AMOTL1: variants seen among roughly 807,000 people sequenced by gnomAD.
AMOTL1 encodes the protein angiomotin like 1, also known as angiomotin-like protein 1.
AMOTL1 carries 45 observed loss-of-function variants against 102.9 expected under a neutral mutation model. That is an observed-to-expected ratio of 0.44 (90% CI 0.34 to 0.56). AMOTL1 has a LOEUF of 0.56. AMOTL1 is among the 20% of genes least tolerant of loss of function. The pLI is 0.01. For missense variants in AMOTL1, 1,114 were observed against 1,225.6 expected (o/e 0.91, Z 1.36); for synonymous variants, 481 against 484.7 (o/e 0.99, Z 0.10).
intron 3 of AMOTL1, among the ~76,000 whole-genome samples, chr11:94,810,873 T>C (rs1591990311): frequency 7.2e-6 from 1 of 139,352 alleles, no homozygotes; most frequent in Non-Finnish European, 1.6e-5. Flanking sequence ...CACACACGCG[T>C]ACACACACAT....
At chr11:94,782,871 A>C (rs945313992) in intron 1 of AMOTL1, among the ~76,000 whole-genome samples, 1 of 152,268 alleles carries the variant, frequency 6.6e-6, no homozygotes, top group African/African-American at 2.4e-5. Flanking sequence ...AGGAATTTGC[A>C]AAATTATAAA....
intron 3 of AMOTL1, among the ~76,000 whole-genome samples, chr11:94,752,812 G>C (rs1333704812): frequency 6.6e-6 from 1 of 152,192 alleles, no homozygotes; most frequent in Admixed American, 6.5e-5. Flanking sequence ...GGTCTGGAAT[G>C]AATCCTGTGG....
At chr11:94,767,970 C>T (rs1484261967), upstream of AMOTL1, among the ~76,000 whole-genome samples, 1 of 152,096 alleles carries the variant, frequency 6.6e-6, no homozygotes, top group Non-Finnish European at 1.5e-5. Flanking sequence ...GGAAATTCCA[C>T]TTAAGAAGAA....
chr11:94,747,909 C>A (rs1396134848), intron 3 of AMOTL1, among the ~76,000 whole-genome samples: 1 of 152,158 alleles, frequency 6.6e-6, no homozygotes, highest in African/African-American at 2.4e-5. Context: ...TCCTCATTTT[C>A]CAAGGGTAAG....
intron 7 of AMOTL1, among the ~76,000 whole-genome samples, chr11:94,852,578 C>A (rs1952566070): frequency 6.6e-6 from 1 of 152,258 alleles, no homozygotes; most frequent in African/African-American, 2.4e-5. Flanking sequence ...ATGGGCCAAA[C>A]TCCTAATTGG....
chr11:94,837,067 C>G (rs150162245), intron 6 of AMOTL1, among the ~76,000 whole-genome samples: 19 of 152,302 alleles, frequency 1.2e-4, no homozygotes, highest in African/African-American at 4.1e-4. Context: ...TCATTTTGAT[C>G]AAGAAAGTTG....
intron 2 of AMOTL1, chr11:94,797,010 A>G (rs1396207626): frequency 1.0e-6 from 1 of 985,430 alleles, no homozygotes; most frequent in Non-Finnish European, 1.2e-6. Context: ...TGGAGAGCAA[A>G]GGATAAAAAG....
At position 94,768,432 on chromosome 11, in the gene AMOTL1, T is replaced by C. The variant is rs1950886757; in HGVS notation, c.-80T>C. 6.5e-7 allele frequency: 1 copy of C among 1,542,396 alleles called. No homozygotes were observed. The highest frequency in any genetic ancestry group is 8.7e-7 in the Non-Finnish European group (1 of 1,145,406). ...AGGTGAAGCCCTGTGTGAATGGGGT[T>C]GATTGTCCGGCGCCACTTCCCCGCG... is the stretch of plus-strand genomic sequence containing the variant. On this transcript the variant is annotated 5_prime_UTR_variant, in exon 1 of 13. Transcript: ENST00000433060.
chr11:94,799,918 A>C lies in AMOTL1; in HGVS notation c.728A>C (p.Gln243Pro). Reference sequence around the variant, plus strand: ...ACTGTGAACCGTGCCAACAGTGGACAGGCGCATAAGGACGAGGCGCTGAAG... The same window carrying C: ...ACTGTGAACCGTGCCAACAGTGGACCGGCGCATAAGGACGAGGCGCTGAAG... ...RPTVNRANSG[Q>P]AHKDEALKEL... The change falls in exon 3 of 13, where the codon CAG becomes CCG. Residue 243 changes from glutamine to proline, a missense_variant. By Grantham distance (76) the Gln-to-Pro change is moderately conservative. Transcript: ENST00000433060. This position sits in a 1 kb window ranked among gnomAD's most constrained non-coding sequence, Gnocchi z 4.5. 1 of 1,610,368 alleles carries C rather than the reference A, an allele frequency of 6.2e-7. No individual in the cohort carries two copies. The highest frequency in any genetic ancestry group is 8.5e-7 in the Non-Finnish European group (1 of 1,178,100).
At chr11:94,849,132 G>A (rs1464344500) in intron 6 of AMOTL1, among the ~76,000 whole-genome samples, 3 of 152,020 alleles carry the variant, frequency 2.0e-5, no homozygotes, top group African/African-American at 4.8e-5. Context: ...GTATGCATAC[G>A]GTTTTGTAAC....
upstream of AMOTL1, among the ~76,000 whole-genome samples, chr11:94,764,815 A>G (rs1032531162): frequency 6.6e-6 from 1 of 152,198 alleles, no homozygotes; most frequent in Non-Finnish European, 1.5e-5. Context: ...AGGGTTTCTA[A>G]CTTTTACTGA....
At chr11:94,746,505 A>T (rs1316482146) in intron 3 of AMOTL1, among the ~76,000 whole-genome samples, 1 of 152,076 alleles carries the variant, frequency 6.6e-6, no homozygotes, top group Non-Finnish European at 1.5e-5. Context: ...GTTGTATGGA[A>T]CTATGGGGCA....
In AMOTL1 at chr11:94,748,838, A is replaced by G. The variant is rs1461098937; in HGVS notation, c.136+7850A>G. ...GGCAGGATACAGGAGGGTGGTAAGA[A>G]AGAGAACTCAGTGTACCTACTTCCT... On this transcript the variant is annotated intron_variant, in intron 3 of 4. Coordinates refer to the AMOTL1 transcript ENST00000299004. Among the ~76,000 whole-genome samples, 4 of 152,306 alleles carry G rather than the reference A, an allele frequency of 2.6e-5. No homozygotes were observed. In the East Asian group the frequency reaches 7.7e-4, roughly 29 times the overall value.
At chr11:94,835,115 A>G (rs1171237339) in intron 6 of AMOTL1, among the ~76,000 whole-genome samples, 1 of 152,190 alleles carries the variant, frequency 6.6e-6, no homozygotes, top group Non-Finnish European at 1.5e-5. Flanking sequence ...GTATTGTAAC[A>G]TTCTCTTTGG....
At chr11:94,746,322 G>A (rs779659745) in intron 3 of AMOTL1, among the ~76,000 whole-genome samples, 5 of 152,086 alleles carry the variant, frequency 3.3e-5, no homozygotes, top group Admixed American at 6.5e-5. Flanking sequence ...TAGAAGTTAC[G>A]GTCATCTGAG....
intron 3 of AMOTL1, among the ~76,000 whole-genome samples, chr11:94,819,223 T>C (rs1478768262): frequency 6.6e-6 from 1 of 152,166 alleles, no homozygotes; most frequent in Non-Finnish European, 1.5e-5. Context: ...AACCCCGAAA[T>C]CAGTAAGCCA....
At chr11:94,746,754 T>C (rs966535753) in intron 3 of AMOTL1, among the ~76,000 whole-genome samples, 1 of 150,706 alleles carries the variant, frequency 6.6e-6, no homozygotes, top group Admixed American at 6.6e-5. Context: ...AGCATCAATG[T>C]TATTGTGTTT....
At chr11:94,768,940 G>A (rs1298237766) in intron 1 of AMOTL1, among the ~76,000 whole-genome samples, 7 of 152,170 alleles carry the variant, frequency 4.6e-5, no homozygotes, top group African/African-American at 1.4e-4. Context: ...GGGGACGGAA[G>A]GGGGTGTCCG....
chr11:94,798,160 T>G (rs1951403396), intron 2 of AMOTL1, among the ~76,000 whole-genome samples: 1 of 152,236 alleles, frequency 6.6e-6, no homozygotes, highest in Non-Finnish European at 1.5e-5. Flanking sequence ...GCAATTTACC[T>G]TCTGTGAACA....
Sources: allele counts gnomAD v4.1 joint callset (sites outside exome capture counted in the v4.1 genomes callset), GRCh38; gene constraint gnomAD v4.1.1; non-coding constraint Gnocchi (gnomAD v3.1); transcripts MANE v1.5; gene names NCBI Gene and HGNC (gene_info 2026-07-23, HGNC 2026-07-21).